The following PCCB variants were observed in gnomAD, a reference collection of about 807,000 sequenced individuals.
PCCB encodes the protein propionyl-CoA carboxylase subunit beta, also known as propionyl-CoA carboxylase beta chain, mitochondrial.
A neutral mutation model predicts 60.7 loss-of-function variants in PCCB; 43 were observed. The ratio of observed to expected loss-of-function variants is 0.71; its 90% CI spans 0.55 to 0.91. The LOEUF is 0.91. Among genes scored for constraint, PCCB ranks in the 40% least tolerant of loss-of-function variants. The pLI is 0.00. For synonymous variants in PCCB, 276 were observed against 255.9 expected, an observed-to-expected ratio of 1.08 and a Z score of -0.75; for missense variants, 766 against 702.8, an observed-to-expected ratio of 1.09 and a Z score of -1.02.
intron 1 of PCCB, chr3:136,255,616 A>G (rs1465000777): frequency 3.7e-5 from 20 of 543,192 alleles, no homozygotes; most frequent in East Asian, 2.3e-4. Context: ...TCCTCGTCCT[A>G]TTTCCTTATT....
intron 1 of PCCB, chr3:136,255,527 G>A (rs1683040687): frequency 2.8e-6 from 1 of 357,206 alleles, no homozygotes; most frequent in Admixed American, 4.1e-5. Context: ...GGCTCCTTAG[G>A]TCTCCAGTAA....
At chr3:136,288,910 C>T (rs913415731) in intron 6 of PCCB, among the ~76,000 whole-genome samples, 2 of 152,184 alleles carry the variant, frequency 1.3e-5, no homozygotes, top group African/African-American at 2.4e-5. Flanking sequence ...TCAAGCAATC[C>T]TCTCACCTTA....
At chr3:136,319,284 TTGTATATTC>T (rs913970388) in intron 10 of PCCB, among the ~76,000 whole-genome samples, 2 of 152,186 alleles carry the variant, frequency 1.3e-5, no homozygotes, top group African/African-American at 4.8e-5. Flanking sequence ...TTGGAGTTCC[TTGTATATTC>T]TGTATATTAA....
chr3:136,254,551 AAGAC>A (rs1173604831), intron 1 of PCCB, among the ~76,000 whole-genome samples: 3 of 55,602 alleles, frequency 5.4e-5, no homozygotes, highest in Non-Finnish European at 1.1e-4. Flanking sequence ...TTTTTTTTAA[AAGAC>A]AGGTTCTCGC....
intron 3 of PCCB, 28 bp from the exon 4 acceptor site, chr3:136,260,451 G>A (rs1269169167): frequency 6.3e-7 from 1 of 1,592,638 alleles, no homozygotes; most frequent in Non-Finnish European, 8.6e-7. Flanking sequence ...CACTATATTT[G>A]ACTTGCTGAT....
intron 5 of PCCB, among the ~76,000 whole-genome samples, chr3:136,271,257 T>C (rs1386304652): frequency 6.6e-6 from 1 of 152,152 alleles, no homozygotes; most frequent in Non-Finnish European, 1.5e-5. Flanking sequence ...GGTCTTAGAT[T>C]TAAGTCTTGG....
chr3:136,299,836 A>G (rs1201790193), intron 8 of PCCB, among the ~76,000 whole-genome samples: 1 of 151,794 alleles, frequency 6.6e-6, no homozygotes, highest in Non-Finnish European at 1.5e-5. Flanking sequence ...ATGTATATGC[A>G]TGTGTATGTA....
intron 5 of PCCB, among the ~76,000 whole-genome samples, chr3:136,274,824 CTTTTTTTT>C (rs796392217): frequency 6.9e-6 from 1 of 145,298 alleles, no homozygotes; most frequent in African/African-American, 2.5e-5. Context: ...TTTCTTCTTT[CTTTTTTTT>C]TTTTTCTTTC....
intron 10 of PCCB, chr3:136,326,364 C>A (rs1935309919): frequency 2.8e-6 from 2 of 702,782 alleles, no homozygotes; most frequent in Admixed American, 4.0e-5. Flanking sequence ...TGCTAGGAGG[C>A]AGTATCGTCC....
In PCCB at chr3:136,260,551, T is replaced by C. The variant is rs1346830507; in HGVS notation, c.429+16T>C. 1.3e-6 allele frequency: 2 copies of C among 1,597,746 alleles called. No homozygotes were observed. Among genetic ancestry groups the C allele is most frequent in the Non-Finnish European group, 1.7e-6 (2 of 1,165,592 alleles). On this transcript the variant is annotated intron_variant, in intron 4 of 14. Transcript: ENST00000251654. ...GATCTGCAAAGTAAGTGTTTAATAC[T>C]CAAATTCAATCCATTGCTTTCCTCA...
At chr3:136,295,292 T>C (rs1933881240) in intron 7 of PCCB, among the ~76,000 whole-genome samples, 2 of 152,208 alleles carry the variant, frequency 1.3e-5, no homozygotes, top group Non-Finnish European at 2.9e-5. Flanking sequence ...CCAGTGTCCC[T>C]AAAGTAGAGA....
intron 9 of PCCB, among the ~76,000 whole-genome samples, chr3:136,308,624 A>T (rs1934536773): frequency 6.6e-6 from 1 of 152,230 alleles, no homozygotes; most frequent in Admixed American, 6.5e-5. Flanking sequence ...ACACCCTGGT[A>T]ATGAACAATA....
chr3:136,315,179 T>G lies in PCCB; in HGVS notation c.967-1762T>G, dbSNP rs541434641. On this transcript the variant is annotated intron_variant, in intron 9 of 14. Coordinates refer to ENST00000251654, the MANE Select transcript of PCCB (RefSeq NM_000532.5). The stretch of plus-strand genomic sequence containing the variant: ...CTGGCTCAGGTTCTGGACCAGAATT[T>G]TGTTGCTTGTGCTGCTATAAAGGAT... Among the ~76,000 whole-genome samples, 219 of 152,338 alleles carry G rather than the reference T, an allele frequency of 1.4e-3. 1 individual carries two copies. The highest frequency in any genetic ancestry group is 4.9e-3 in the African/African-American group (203 of 41,588).
At chr3:136,320,961 C>T (rs1935086749) in intron 10 of PCCB, among the ~76,000 whole-genome samples, 1 of 152,118 alleles carries the variant, frequency 6.6e-6, no homozygotes, top group Admixed American at 6.5e-5. Context: ...GTGGGTTTTT[C>T]ATGAATGCCC....
intron 9 of PCCB, among the ~76,000 whole-genome samples, chr3:136,316,057 A>C (rs1934881541): frequency 6.6e-6 from 1 of 151,950 alleles, no homozygotes. Context: ...CATCTCTACT[A>C]AAAATTAAAA....
chr3:136,261,273 AAGTTGG>A (rs1465300134), intron 4 of PCCB, among the ~76,000 whole-genome samples: 1 of 152,222 alleles, frequency 6.6e-6, no homozygotes, highest in Non-Finnish European at 1.5e-5. Context: ...TTTGGAATTA[AAGTTGG>A]AGCTACTAGT....
intron 5 of PCCB, among the ~76,000 whole-genome samples, chr3:136,267,944 C>CTTTTTTT (rs1190834904): frequency 9.7e-6 from 1 of 103,448 alleles, no homozygotes; most frequent in African/African-American, 3.8e-5. Context: ...AGGTTTGGCT[C>CTTTTTTT]TTTTTTTTTT....
intron 5 of PCCB, among the ~76,000 whole-genome samples, chr3:136,277,615 C>T (rs776478657): frequency 1.4e-4 from 21 of 151,754 alleles, no homozygotes; most frequent in East Asian, 1.4e-3. Context: ...GTTGGGGGGG[C>T]GGTTCTCAGG....
intron 4 of PCCB, 86 bp downstream of exon 4, chr3:136,260,621 G>GC (rs1436334690): frequency 2.6e-6 from 3 of 1,155,736 alleles, no homozygotes; most frequent in Non-Finnish European, 3.9e-6. Context: ...AAGACACTGA[G>GC]CTAGGTACTT....
Sources: allele counts gnomAD v4.1 joint callset (sites outside exome capture counted in the v4.1 genomes callset), GRCh38; gene constraint gnomAD v4.1.1; transcripts MANE v1.5; gene names NCBI Gene and HGNC (gene_info 2026-07-23, HGNC 2026-07-21).